Variants in GRM8 observed in about 807,000 individuals in gnomAD.
The protein encoded by GRM8 is metabotropic glutamate receptor 8.
Under a neutral mutation model 87.2 loss-of-function variants are expected in GRM8, and 47 were observed. The ratio of observed to expected loss-of-function variants is 0.54; its 90% CI spans 0.43 to 0.69. The LOEUF (loss-of-function observed/expected upper bound fraction) is 0.69, where lower values mean the gene tolerates loss of function less well. Among genes scored for constraint, GRM8 ranks in the 30% least tolerant of loss-of-function variants. The probability of loss-of-function intolerance (pLI) is 0.00; values close to 1 mark genes in which losing one functional copy is unlikely to be tolerated. For missense variants in GRM8, 1,019 were observed against 1,139.2 expected (o/e 0.89, Z 1.52); for synonymous variants, 396 against 404.5 (o/e 0.98, Z 0.25).
intron 8 of GRM8, among the ~76,000 whole-genome samples, chr7:126,537,363 C>A (rs1476005694): frequency 1.3e-5 from 2 of 152,134 alleles, no homozygotes; most frequent in Non-Finnish European, 2.9e-5. Context: ...AGTCTGAAAA[C>A]CAACTAGTAT....
chr7:126,649,839 T>G (rs1308000090), intron 7 of GRM8, among the ~76,000 whole-genome samples: 1 of 152,132 alleles, frequency 6.6e-6, no homozygotes, highest in Non-Finnish European at 1.5e-5. Context: ...CAGGCTGCTG[T>G]GCAAGCTGCT....
chr7:126,701,005 CCTT>C (rs1430656088), intron 7 of GRM8, among the ~76,000 whole-genome samples: 25 of 152,174 alleles, frequency 1.6e-4, no homozygotes, highest in African/African-American at 5.3e-4. Context: ...CTCTTCCATT[CCTT>C]CTTTTCTTCC....
intron 8 of GRM8, among the ~76,000 whole-genome samples, chr7:126,559,262 C>T (rs911216903): frequency 3.3e-5 from 5 of 150,272 alleles, no homozygotes; most frequent in African/African-American, 1.2e-4. Flanking sequence ...AAGTGATTCT[C>T]ATGCCTCAGC....
At chr7:126,774,315 T>G (rs1429364643) in intron 6 of GRM8, among the ~76,000 whole-genome samples, 1 of 152,192 alleles carries the variant, frequency 6.6e-6, no homozygotes, top group Non-Finnish European at 1.5e-5. Flanking sequence ...AAGAGGAGTT[T>G]AGGAAGCTGA....
intron 6 of GRM8, among the ~76,000 whole-genome samples, chr7:126,785,811 T>C (rs1220469347): frequency 6.6e-6 from 1 of 152,104 alleles, no homozygotes; most frequent in Non-Finnish European, 1.5e-5. Context: ...GCACCCTTCC[T>C]GCACCACCTC....
At chr7:127,214,330 T>C (rs1796391582) in intron 2 of GRM8, among the ~76,000 whole-genome samples, 1 of 152,230 alleles carries the variant, frequency 6.6e-6, no homozygotes, top group African/African-American at 2.4e-5. Context: ...TACATTAATT[T>C]ATGGAAATTC....
Position 127,053,640 on chromosome 7 carries a change from T to G in GRM8, c.727+52856A>C, listed in dbSNP as rs17869735. ...CCGTCTCTCCTAAAAATACAAAAAT[T>G]AGCTAGGCGTAGTGGCGGGTGCCTG... is the stretch of plus-strand genomic sequence containing the variant. On this transcript the variant is annotated intron_variant, in intron 3 of 10. Transcript: ENST00000339582. Among the ~76,000 whole-genome samples, 471 of 151,968 alleles carry G rather than the reference T, an allele frequency of 3.1e-3. 2 individuals are homozygous for G. The highest frequency in any genetic ancestry group is 0.011 in the African/African-American group (456 of 41,436).
intron 3 of GRM8, among the ~76,000 whole-genome samples, chr7:126,975,129 A>C (rs1810855532): frequency 6.6e-6 from 1 of 152,074 alleles, no homozygotes; most frequent in Non-Finnish European, 1.5e-5. Context: ...GAAACAAAAA[A>C]TATTTCCTCT....
intron 3 of GRM8, among the ~76,000 whole-genome samples, chr7:126,925,861 C>T (rs1805049968): frequency 6.6e-6 from 1 of 152,180 alleles, no homozygotes; most frequent in African/African-American, 2.4e-5. Flanking sequence ...ACATTTAGGT[C>T]ATGACCAATA....
intron 2 of GRM8, among the ~76,000 whole-genome samples, chr7:127,133,777 GT>G (rs201137308): frequency 3.6e-4 from 54 of 151,496 alleles, no homozygotes; most frequent in African/African-American, 5.1e-4. Flanking sequence ...CCCTTCTTGG[GT>G]TTTTTTCTTT....
intron 7 of GRM8, among the ~76,000 whole-genome samples, chr7:126,671,883 C>T (rs1806420750): frequency 6.6e-6 from 1 of 152,160 alleles, no homozygotes; most frequent in Non-Finnish European, 1.5e-5. Flanking sequence ...GAACTCAGCT[C>T]CAGTTTGACC....
chr7:126,484,778 C>T (rs1339647188), intron 9 of GRM8, among the ~76,000 whole-genome samples: 1 of 151,946 alleles, frequency 6.6e-6, no homozygotes. Flanking sequence ...TGAGAGCTGG[C>T]CTTCGTAAAA....
intron 6 of GRM8, among the ~76,000 whole-genome samples, chr7:126,845,772 C>T (rs1289685385): frequency 6.6e-6 from 1 of 151,914 alleles, no homozygotes; most frequent in Non-Finnish European, 1.5e-5. Context: ...GAAGGAAATT[C>T]CATTAAAACA....
chr7:126,528,510 A>T (rs1022179120), intron 9 of GRM8, among the ~76,000 whole-genome samples: 1 of 152,132 alleles, frequency 6.6e-6, no homozygotes, highest in Admixed American at 6.6e-5. Context: ...TTCACTGCCT[A>T]TTATGTGCAT....
chr7:126,482,447 A>G (rs1380525879), intron 9 of GRM8, among the ~76,000 whole-genome samples: 1 of 152,028 alleles, frequency 6.6e-6, no homozygotes, highest in Admixed American at 6.6e-5. Flanking sequence ...TGGTATAAAC[A>G]TACTATGGAA....
At chr7:126,900,554 A>C (rs1801973984) in intron 6 of GRM8, among the ~76,000 whole-genome samples, 1 of 152,080 alleles carries the variant, frequency 6.6e-6, no homozygotes, top group African/African-American at 2.4e-5. Flanking sequence ...TCTGTCGCCC[A>C]GGCTGGGTGC....
chr7:127,080,054 A>C (rs1366640185), intron 3 of GRM8, among the ~76,000 whole-genome samples: 1 of 152,252 alleles, frequency 6.6e-6, no homozygotes, highest in East Asian at 1.9e-4. Context: ...TTAAGGTTGC[A>C]AATGGAACTA....
At chr7:126,483,397 T>A (rs1584773930) in intron 9 of GRM8, among the ~76,000 whole-genome samples, 1 of 151,546 alleles carries the variant, frequency 6.6e-6, no homozygotes, top group Non-Finnish European at 1.5e-5. Context: ...AGGTACTTTA[T>A]GTATAACTAA....
chr7:126,459,082 AACTATAGT>A (rs897790751), intron 9 of GRM8, among the ~76,000 whole-genome samples: 1 of 151,362 alleles, frequency 6.6e-6, no homozygotes, highest in African/African-American at 2.4e-5. Flanking sequence ...TAAGACAGAA[AACTATAGT>A]ACTCATAAAC....
Sources: gnomAD v4.1 joint callset for allele counts (sites outside exome capture counted in the v4.1 genomes callset) on GRCh38, gnomAD v4.1.1 for gene constraint, MANE v1.5 for transcripts, NCBI Gene and HGNC (gene_info 2026-07-23, HGNC 2026-07-21) for gene names.